PTPRZ1: variants seen among roughly 807,000 people sequenced by gnomAD.
PTPRZ1 encodes protein tyrosine phosphatase receptor type Z1.
A neutral mutation model predicts 214.1 loss-of-function variants in PTPRZ1; 82 were observed. That is an observed-to-expected ratio of 0.38 (90% CI 0.32 to 0.46). The LOEUF is 0.46. Ranked by LOEUF, PTPRZ1 falls within the 20% of genes least tolerant of loss-of-function variation. PTPRZ1 has a pLI of 1.00. For missense variants in PTPRZ1, 2,603 were observed against 2,748.7 expected, an observed-to-expected ratio of 0.95 and a Z score of 1.19; for synonymous variants, 945 against 987.9, an observed-to-expected ratio of 0.96 and a Z score of 0.81.
At chr7:122,008,132 C>T (rs1798547903) in intron 11 of PTPRZ1, among the ~76,000 whole-genome samples, 1 of 151,884 alleles carries the variant, frequency 6.6e-6, no homozygotes, top group African/African-American at 2.4e-5. Context: ...ATTTACATTG[C>T]TTATAGGAGG....
At chr7:122,042,165 C>A (rs1458416619) in intron 21 of PTPRZ1, among the ~76,000 whole-genome samples, 1 of 152,110 alleles carries the variant, frequency 6.6e-6, no homozygotes, top group African/African-American at 2.4e-5. Flanking sequence ...CCCATTAACG[C>A]AGAAATCTTT....
At chr7:121,933,863 A>G (rs944110615) in intron 2 of PTPRZ1, among the ~76,000 whole-genome samples, 4 of 152,198 alleles carry the variant, frequency 2.6e-5, no homozygotes, top group African/African-American at 7.2e-5. Context: ...TCTATAATCT[A>G]GAATATCCTT....
chr7:121,997,696 G>C (rs147575915), intron 9 of PTPRZ1, among the ~76,000 whole-genome samples, 184 bp from the exon 10 acceptor site: 2 of 148,490 alleles, frequency 1.3e-5, no homozygotes, highest in African/African-American at 4.9e-5. Context: ...TAGCTTTCCA[G>C]TTCTTCATAA....
At chr7:121,924,670 GCTTA>G (rs1296767747) in intron 1 of PTPRZ1, among the ~76,000 whole-genome samples, 1 of 152,086 alleles carries the variant, frequency 6.6e-6, no homozygotes, top group Non-Finnish European at 1.5e-5. Flanking sequence ...TAAAACAAGA[GCTTA>G]CTTTTTTATT....
At chr7:121,970,500 G>A (rs1259419874) in intron 3 of PTPRZ1, among the ~76,000 whole-genome samples, 1 of 152,098 alleles carries the variant, frequency 6.6e-6, no homozygotes, top group Non-Finnish European at 1.5e-5. Flanking sequence ...CATTCTAACT[G>A]GTGTGAGATG....
At chr7:121,878,307 T>A (rs1277892874) in intron 1 of PTPRZ1, among the ~76,000 whole-genome samples, 1 of 152,192 alleles carries the variant, frequency 6.6e-6, no homozygotes, top group Non-Finnish European at 1.5e-5. Context: ...CATGGGACAG[T>A]GCAGACATGG....
Position 122,013,649 on chromosome 7 carries a change from C to T in PTPRZ1, c.4603C>T (p.Pro1535Ser). 1 of 1,614,152 alleles carries T rather than the reference C, an allele frequency of 6.2e-7. No individual in the cohort carries two copies. The highest frequency in any genetic ancestry group is 8.5e-7 in the Non-Finnish European group (1 of 1,180,030). ...TGGTAGTGCTCTGCTTCCTCTCAGC[C>T]CTGAATCTAAAGCATGGGCAGTTCT... ...QTGSALLPLS[P>S]ESKAWAVLTS... The change falls in exon 12 of 30, where the codon CCT becomes TCT. Residue 1535 changes from proline to serine, a missense_variant. Pro to Ser is a moderately conservative substitution (Grantham distance 74). Transcript: ENST00000393386.
intron 4 of PTPRZ1, among the ~76,000 whole-genome samples, chr7:121,974,943 T>C (rs1045450580): frequency 6.6e-6 from 1 of 152,106 alleles, no homozygotes; most frequent in Non-Finnish European, 1.5e-5. Context: ...CCCAGCACTT[T>C]AGGAGGCTGA....
At chr7:122,044,620 G>A in intron 23 of PTPRZ1, 52 bp downstream of exon 23, 3 of 1,572,854 alleles carry the variant, frequency 1.9e-6, no homozygotes, top group Non-Finnish European at 2.6e-6. Context: ...GAATGTCCCT[G>A]CATCTTCTCA....
chr7:122,019,210 G>A lies in PTPRZ1; in HGVS notation c.4930G>A (p.Val1644Met), dbSNP rs774136227. ...EKKAVIPLVI[V>M]SALTFICLVV... Reference sequence around the variant, plus strand: ...GAAGGCAGTTATACCCCTTGTGATCGTGTCAGCCCTGACTTTTATCTGTCT... The same window carrying A: ...GAAGGCAGTTATACCCCTTGTGATCATGTCAGCCCTGACTTTTATCTGTCT... The change falls in exon 13 of 30, where the codon GTG (valine) becomes ATG (methionine). Residue 1644 changes from valine (V) to methionine (M), a missense_variant. Val to Met is a conservative substitution (Grantham distance 21). This residue lies in a region of PTPRZ1 where 1,913 missense variants were observed against 1,914.3 expected (regional missense o/e 1.00). Transcript: ENST00000393386. The A allele has an allele frequency of 1.7e-5, 27 of 1,611,964 alleles. No homozygotes were observed. In the African/African-American group the frequency reaches 1.9e-4, roughly 11 times the overall value.
At chr7:122,018,922 G>T (rs1043928391) in intron 12 of PTPRZ1, among the ~76,000 whole-genome samples, 2 of 152,072 alleles carry the variant, frequency 1.3e-5, no homozygotes, top group African/African-American at 4.8e-5. Flanking sequence ...GGATGTTGTA[G>T]TTCTTCTTGT....
intron 1 of PTPRZ1, among the ~76,000 whole-genome samples, chr7:121,895,241 C>T (rs1181316676): frequency 1.4e-5 from 2 of 146,260 alleles, no homozygotes; most frequent in East Asian, 2.2e-4. Flanking sequence ...TAGCTATGAC[C>T]TGTCTCTCCT....
intron 1 of PTPRZ1, among the ~76,000 whole-genome samples, chr7:121,915,561 GA>G (rs1250428209): frequency 2.6e-5 from 4 of 152,104 alleles, no homozygotes; most frequent in Non-Finnish European, 5.9e-5. Flanking sequence ...ATTTACCAAT[GA>G]ACTTGAATGA....
rs549786133 is a variant in PTPRZ1, at chr7:121,945,182, A to G, written c.124+16961A>G. 4.6e-5 allele frequency among the ~76,000 whole-genome samples: 7 copies of G among 152,330 alleles called. No individual in the cohort carries two copies. The East Asian group carries it at 1.4e-3, about 29-fold the overall frequency. ...TCTTAATTAAGCACTCCTATCTGCC[A>G]GCAGAAAATAAAAAAGACTAAGTGC... is the stretch of plus-strand genomic sequence containing the variant. On this transcript the variant is annotated intron_variant, in intron 2 of 29. Coordinates refer to ENST00000393386, the MANE Select transcript of PTPRZ1 (RefSeq NM_002851.3).
intron 2 of PTPRZ1, among the ~76,000 whole-genome samples, chr7:121,958,928 A>G (rs1019009461): frequency 3.3e-5 from 5 of 152,146 alleles, no homozygotes; most frequent in African/African-American, 1.2e-4. Context: ...GGTTCAAGCC[A>G]TTCTCCTGCC....
chr7:121,935,756 G>A (rs546168821), intron 2 of PTPRZ1, among the ~76,000 whole-genome samples: 1 of 152,010 alleles, frequency 6.6e-6, no homozygotes, highest in Non-Finnish European at 1.5e-5. Context: ...TTTTAGTAGA[G>A]ATGGGGTTTC....
chr7:121,963,937 C>CCTT lies in PTPRZ1; in HGVS notation c.125-4012_125-4011insTCT, dbSNP rs925301808. Reference sequence around the variant, plus strand: ...CTGGTGTCATTGCGCTATATGTTGTCCTAACCTCGTGTAGTTCAGACTTCA... The same window carrying CCTT: ...CTGGTGTCATTGCGCTATATGTTGTCCTTCTAACCTCGTGTAGTTCAGACTTCA... On this transcript the variant is annotated intron_variant, in intron 2 of 29. Transcript: ENST00000393386. Among the ~76,000 whole-genome samples the CCTT allele has an allele frequency of 2.6e-4, 39 of 152,060 alleles. 1 individual carries two copies. In the East Asian group the frequency reaches 7.5e-3, roughly 29 times the overall value.
intron 2 of PTPRZ1, among the ~76,000 whole-genome samples, chr7:121,964,375 G>A (rs1372247024): frequency 1.3e-5 from 2 of 152,188 alleles, no homozygotes; most frequent in Non-Finnish European, 2.9e-5. Context: ...GACAGCAGGA[G>A]AGAGAAGAAT....
At chr7:121,968,172 G>C in intron 3 of PTPRZ1, 42 bp downstream of exon 3, 2 of 1,509,960 alleles carry the variant, frequency 1.3e-6, no homozygotes, top group Non-Finnish European at 1.8e-6. Flanking sequence ...ATATTTTTCA[G>C]ACCTGGAGTA....
Sources: gnomAD v4.1 joint callset for allele counts (sites outside exome capture counted in the v4.1 genomes callset) on GRCh38, gnomAD v4.1.1 for gene constraint, gnomAD v4.1.1 regional missense constraint, MANE v1.5 for transcripts, NCBI Gene and HGNC (gene_info 2026-07-23, HGNC 2026-07-21) for gene names.